Variants in CCBE1 observed in about 807,000 individuals in gnomAD.
CCBE1 encodes collagen and calcium binding EGF domains 1.
CCBE1 carries 37 observed loss-of-function variants against 50.0 expected under a neutral mutation model. That is an observed-to-expected ratio of 0.74 (90% confidence interval 0.57 to 0.97). The LOEUF (loss-of-function observed/expected upper bound fraction) is 0.97. Among genes scored for constraint, CCBE1 ranks in the 50% least tolerant of loss-of-function variants. The pLI is 0.00. For synonymous variants in CCBE1, 234 were observed against 203.7 expected (o/e 1.15, Z -1.27); for missense variants, 538 against 523.8 (o/e 1.03, Z -0.26).
chr18:59,455,423 G>A (rs1051510253), intron 5 of CCBE1, among the ~76,000 whole-genome samples: 1 of 152,114 alleles, frequency 6.6e-6, no homozygotes, highest in South Asian at 2.1e-4. Flanking sequence ...AGTGGGCCGG[G>A]AGCTGACCTC....
chr18:59,512,546 A>G (rs942487688), intron 2 of CCBE1, among the ~76,000 whole-genome samples: 4 of 152,256 alleles, frequency 2.6e-5, no homozygotes, highest in African/African-American at 9.6e-5. Flanking sequence ...AGAATTAAAG[A>G]ATGTGCTGGC....
chr18:59,464,422 C>A (rs1193251552), intron 5 of CCBE1, among the ~76,000 whole-genome samples: 1 of 152,146 alleles, frequency 6.6e-6, no homozygotes, highest in Non-Finnish European at 1.5e-5. Context: ...GGCAACAGAG[C>A]AAGACTCTGT....
chr18:59,480,380 A>G, intron 2 of CCBE1, 142 bp from the exon 3 acceptor site: 1 of 605,858 alleles, frequency 1.7e-6, no homozygotes. Flanking sequence ...TTTTTAAGGC[A>G]ATCTGAGATT....
At chr18:59,614,889 A>T (rs2053617812) in intron 2 of CCBE1, among the ~76,000 whole-genome samples, 1 of 152,246 alleles carries the variant, frequency 6.6e-6, no homozygotes, top group African/African-American at 2.4e-5. Flanking sequence ...TCCAATCACA[A>T]TTCATTATGT....
rs749999 is a variant in CCBE1, at chr18:59,448,258, T to A, written c.655-155A>T. Among the ~76,000 whole-genome samples, 41,197 of 151,956 alleles carry A rather than the reference T, an allele frequency of 0.27. 6,162 individuals are homozygous for A. The highest frequency in any genetic ancestry group is 0.4 in the Middle Eastern group (117 of 294). On this transcript the variant is annotated intron_variant, in intron 6 of 10. Coordinates refer to ENST00000439986, the MANE Select transcript of CCBE1 (RefSeq NM_133459.4). ...GAGCTCAGAGAAACTATAAAGAGCC[T>A]CTTTCTAAACCTAGAGGCATTCTAG... is the stretch of plus-strand genomic sequence containing the variant.
chr18:59,443,004 T>C lies in CCBE1; in HGVS notation c.776-3188A>G, dbSNP rs932916450. Among the ~76,000 whole-genome samples the C allele has an allele frequency of 2.1e-3, 235 of 109,632 alleles. 2 individuals are homozygous for C. Among genetic ancestry groups the C allele is most frequent in the African/African-American group, 7.3e-3 (224 of 30,866 alleles). The allele number at this position is 109,632 out of a possible 152,430, so 71.9% of individuals were successfully genotyped here. ...GGTTGAGGGGTTGTGTTTTGTTTTG[T>C]TTTTTTAATTCTTTTCAGAGGCCTG... On this transcript the variant is annotated intron_variant, in intron 7 of 10. Coordinates refer to ENST00000439986, the MANE Select transcript of CCBE1 (RefSeq NM_133459.4).
intron 2 of CCBE1, among the ~76,000 whole-genome samples, chr18:59,545,362 T>C (rs190248383): frequency 2.6e-4 from 40 of 152,330 alleles, no homozygotes. Context: ...ATTTCACTTC[T>C]CATTCAGACC....
intron 5 of CCBE1, among the ~76,000 whole-genome samples, chr18:59,460,561 T>C (rs1911412227): frequency 6.6e-6 from 1 of 152,234 alleles, no homozygotes; most frequent in African/African-American, 2.4e-5. Context: ...TAATAATTCA[T>C]CTTTTAGATA....
rs527467816 is a variant in CCBE1, at chr18:59,446,175, C to T, written c.775+1808G>A. Among the ~76,000 whole-genome samples the T allele has an allele frequency of 2.0e-5, 3 of 152,354 alleles. No homozygotes were observed. In the South Asian group the frequency reaches 6.2e-4, roughly 32 times the overall value. Reference sequence around the variant, plus strand: ...CATCCTCAATCATTCTCTGCTCCATCAAGGACCCTGGACAGCTCAAACCAT... The same window carrying T: ...CATCCTCAATCATTCTCTGCTCCATTAAGGACCCTGGACAGCTCAAACCAT... On this transcript the variant is annotated intron_variant, in intron 7 of 10. Coordinates refer to ENST00000439986, the MANE Select transcript of CCBE1 (RefSeq NM_133459.4).
Position 59,657,067 on chromosome 18 carries a change from C to T in CCBE1, c.212+39562G>A, listed in dbSNP as rs141595158. On this transcript the variant is annotated intron_variant, in intron 2 of 10. Transcript: ENST00000439986. ...TTGTCTTTCACAGCCTAAGATTCTGCCTTGAGCCTTCCATTTCCTTGGTCC... is the reference window on the plus strand; with the variant it reads ...TTGTCTTTCACAGCCTAAGATTCTGTCTTGAGCCTTCCATTTCCTTGGTCC... Among the ~76,000 whole-genome samples the T allele has an allele frequency of 2.6e-4, 40 of 152,324 alleles. No individual in the cohort carries two copies. In the East Asian group the frequency reaches 7.3e-3, roughly 28 times the overall value.
At chr18:59,481,089 G>C (rs571135052) in intron 2 of CCBE1, among the ~76,000 whole-genome samples, 3 of 152,066 alleles carry the variant, frequency 2.0e-5, no homozygotes, top group African/African-American at 4.8e-5. Context: ...ACTACATAAA[G>C]GAAAATATAC....
At chr18:59,515,718 G>T (rs1001449182) in intron 2 of CCBE1, among the ~76,000 whole-genome samples, 6 of 152,148 alleles carry the variant, frequency 3.9e-5, no homozygotes, top group African/African-American at 1.4e-4. Flanking sequence ...AGATAGGCAG[G>T]GGAGGAGGCA....
intron 2 of CCBE1, among the ~76,000 whole-genome samples, chr18:59,574,893 G>A (rs971265547): frequency 6.6e-6 from 1 of 152,170 alleles, no homozygotes; most frequent in Non-Finnish European, 1.5e-5. Flanking sequence ...ACTTCAGAAT[G>A]TGAGGTTTGA....
At chr18:59,675,446 C>T (rs148145708) in intron 2 of CCBE1, among the ~76,000 whole-genome samples, 2 of 152,192 alleles carry the variant, frequency 1.3e-5, no homozygotes, top group Admixed American at 6.5e-5. Flanking sequence ...CTCTCTCCCC[C>T]ACACATGGGA....
At chr18:59,437,491 T>G (rs960129349) in intron 10 of CCBE1, among the ~76,000 whole-genome samples, 1 of 152,070 alleles carries the variant, frequency 6.6e-6, no homozygotes, top group Non-Finnish European at 1.5e-5. Flanking sequence ...GGTAGAAGAG[T>G]TGAGATGGGA....
At chr18:59,616,328 G>A (rs2053635960) in intron 2 of CCBE1, among the ~76,000 whole-genome samples, 1 of 152,204 alleles carries the variant, frequency 6.6e-6, no homozygotes. Flanking sequence ...AAAAATGATG[G>A]CTAAGTGATT....
chr18:59,689,747 T>G (rs939468255), intron 2 of CCBE1, among the ~76,000 whole-genome samples: 2 of 152,244 alleles, frequency 1.3e-5, no homozygotes, highest in Non-Finnish European at 2.9e-5. Flanking sequence ...GCAACTCTGA[T>G]GCTGCTATCC....
rs150962189 is a variant in CCBE1, at chr18:59,480,162, C to T, written c.265+24G>A. The T allele has an allele frequency of 2.6e-4, 383 of 1,452,646 alleles. 3 individuals carry two copies. The African/African-American group carries it at 4.5e-3, about 17-fold the overall frequency. 90.0% of individuals were successfully genotyped at this position (1,452,646 alleles called of 1,614,324 possible). On this transcript the variant is annotated intron_variant, in intron 3 of 10. Transcript: ENST00000439986. ...ATGATTAGTTGTGAATAAAGTCAGA[C>T]AATATCTTTTTTATATTACATACCT...
At chr18:59,570,986 C>CACA (rs1460232997) in intron 2 of CCBE1, among the ~76,000 whole-genome samples, 1 of 152,224 alleles carries the variant, frequency 6.6e-6, no homozygotes, top group Non-Finnish European at 1.5e-5. Context: ...CATGCTCCAT[C>CACA]ACAAGAGTAA....
Sources: gnomAD v4.1 joint callset for allele counts (sites outside exome capture counted in the v4.1 genomes callset) on GRCh38, gnomAD v4.1.1 for gene constraint, MANE v1.5 for transcripts, NCBI Gene and HGNC (gene_info 2026-07-23, HGNC 2026-07-21) for gene names.